HYDIN: variants seen among roughly 807,000 people sequenced by gnomAD.
HYDIN encodes the protein HYDIN axonemal central pair apparatus protein.
In HYDIN, 132 loss-of-function variants were observed where a neutral mutation model predicts 403.9. That is an observed-to-expected ratio of 0.33 (90% CI 0.28 to 0.38). The LOEUF (loss-of-function observed/expected upper bound fraction) is 0.38, where lower values mean the gene tolerates loss of function less well. HYDIN is among the 10% of genes least tolerant of loss of function. The pLI is 1.00. For synonymous variants in HYDIN, 1,202 were observed against 1,891.7 expected, an observed-to-expected ratio of 0.64 and a Z score of 9.46; for missense variants, 2,827 against 5,009.5, an observed-to-expected ratio of 0.56 and a Z score of 13.15.
At chr16:71,185,472 T>C (rs895609967) in intron 2 of HYDIN, among the ~76,000 whole-genome samples, 3 of 152,196 alleles carry the variant, frequency 2.0e-5, no homozygotes, top group African/African-American at 7.2e-5. Context: ...AGAAATCTTA[T>C]AAAATTGCAA....
intron 21 of HYDIN, among the ~76,000 whole-genome samples, chr16:71,022,240 A>C (rs1310375244): frequency 1.3e-5 from 2 of 152,286 alleles, no homozygotes; most frequent in African/African-American, 4.8e-5. Context: ...TTTAGAGGCT[A>C]CTGATGAGAA....
At chr16:71,062,526 A>C in intron 16 of HYDIN, 193 bp from the exon 17 acceptor site, 3 of 538,850 alleles carry the variant, frequency 5.6e-6, no homozygotes, top group South Asian at 5.4e-5. Flanking sequence ...CGTGAGGCCC[A>C]AAATTCAAAG....
At chr16:71,106,309 GC>G (rs1271374739) in intron 10 of HYDIN, among the ~76,000 whole-genome samples, 1 of 152,106 alleles carries the variant, frequency 6.6e-6, no homozygotes, top group Non-Finnish European at 1.5e-5. Context: ...TGACTTGCAT[GC>G]CCAGCCTTTG....
chr16:70,978,869 C>T, intron 30 of HYDIN, 45 bp downstream of exon 30: 1 of 1,534,144 alleles, frequency 6.5e-7, no homozygotes, highest in Non-Finnish European at 8.9e-7. Context: ...TCTGCACGCA[C>T]CACCCTCCTG....
intron 11 of HYDIN, among the ~76,000 whole-genome samples, chr16:71,092,767 G>C (rs1334111617): frequency 7.4e-6 from 1 of 135,634 alleles, no homozygotes; most frequent in Non-Finnish European, 1.5e-5. Flanking sequence ...TTTTAGTAGT[G>C]ATTGAATTTC....
chr16:70,998,110 T>C (rs2144064285), intron 23 of HYDIN, among the ~76,000 whole-genome samples: 1 of 152,292 alleles, frequency 6.6e-6, no homozygotes, highest in South Asian at 2.1e-4. Context: ...ACACATATTT[T>C]CTGTTTAGAC....
Position 70,859,162 on chromosome 16 carries a change from G to A in HYDIN, c.12129+906C>T, listed in dbSNP as rs187843486. Among the ~76,000 whole-genome samples the A allele has an allele frequency of 5.3e-4, 81 of 152,088 alleles. No homozygotes were observed. The South Asian group carries it at 8.9e-3, about 17-fold the overall frequency. ...TAAAAATACAAAAAATTAGCTGGGCGTGGTGGCGGGCGCTTGTAGTCCGAG... is the reference window on the plus strand; with the variant it reads ...TAAAAATACAAAAAATTAGCTGGGCATGGTGGCGGGCGCTTGTAGTCCGAG... On this transcript the variant is annotated intron_variant, in intron 71 of 85. Transcript: ENST00000393567.
chr16:70,932,144 C>T (rs1421654126), intron 45 of HYDIN, among the ~76,000 whole-genome samples: 5 of 146,318 alleles, frequency 3.4e-5, no homozygotes, highest in African/African-American at 1.2e-4. Context: ...CACCTGAGGT[C>T]AGGAGTTCGA....
chr16:70,813,160 C>T (rs925912256), intron 84 of HYDIN, among the ~76,000 whole-genome samples: 6 of 152,164 alleles, frequency 3.9e-5, no homozygotes, highest in Admixed American at 6.5e-5. Context: ...ACTATGTTGG[C>T]CAGACTGGTC....
At chr16:70,840,818 T>C (rs1249519638) in intron 75 of HYDIN, among the ~76,000 whole-genome samples, 2 of 151,586 alleles carry the variant, frequency 1.3e-5, no homozygotes, top group East Asian at 3.9e-4. Context: ...ACAAGGCTAA[T>C]ATGCCAAGGA....
At position 70,884,034 on chromosome 16, in the gene HYDIN, C is replaced by A. The variant is rs769866305; in HGVS notation, c.9865G>T (p.Ala3289Ser). ...TCCTCACACTTTCCCATGGCGTCAG[C>A]CACACAGTCAACGTTGATGACCTGC... ...GQQVINVDCV[A>S]DAMGKCEEFI... The change falls in exon 59 of 86, where the codon GCT (alanine) becomes TCT (serine). Residue 3289 changes from alanine (A) to serine (S), a missense_variant. Transcript: ENST00000393567. 1.2e-5 allele frequency: 20 copies of A among 1,614,126 alleles called. No homozygotes were observed. Among genetic ancestry groups the A allele is most frequent in the Admixed American group, 1.7e-5 (1 of 60,018 alleles).
At chr16:70,898,375 T>C (rs2076268183) in intron 53 of HYDIN, among the ~76,000 whole-genome samples, 1 of 151,554 alleles carries the variant, frequency 6.6e-6, no homozygotes, top group Admixed American at 6.6e-5. Flanking sequence ...CAGCCAGGGG[T>C]CTGGGTACCT....
intron 41 of HYDIN, among the ~76,000 whole-genome samples, chr16:70,951,415 C>T (rs1463771766): frequency 6.6e-6 from 1 of 152,158 alleles, no homozygotes; most frequent in Non-Finnish European, 1.5e-5. Context: ...GGAAGCAGTG[C>T]TCTGCCACTC....
At chr16:70,865,141 A>G (rs1244275586) in intron 67 of HYDIN, 9 of 295,612 alleles carry the variant, frequency 3.0e-5, no homozygotes, top group African/African-American at 4.4e-5. Context: ...TATGTGTTGC[A>G]CATGTTGCTC....
chr16:70,956,258 CAAAAA>C (rs4028339), intron 39 of HYDIN, among the ~76,000 whole-genome samples: 1 of 133,636 alleles, frequency 7.5e-6, no homozygotes, highest in Non-Finnish European at 1.6e-5. Context: ...ACTTTCATTA[CAAAAA>C]AAAAAAAAAG....
intron 11 of HYDIN, among the ~76,000 whole-genome samples, chr16:71,089,172 T>C (rs943388146): frequency 4.6e-5 from 7 of 151,256 alleles, no homozygotes; most frequent in Non-Finnish European, 1.0e-4. Context: ...TCTGGAAGCA[T>C]GTTATTGCCC....
At chr16:70,831,605 T>C (rs1267180782) in intron 80 of HYDIN, among the ~76,000 whole-genome samples, 1 of 91,186 alleles carries the variant, frequency 1.1e-5, no homozygotes, top group Non-Finnish European at 2.2e-5. Context: ...CAGGAGAGAG[T>C]GGTGTGCTGG....
At chr16:70,819,060 G>A (rs1015228504) in intron 83 of HYDIN, among the ~76,000 whole-genome samples, 7 of 150,248 alleles carry the variant, frequency 4.7e-5, no homozygotes, top group Non-Finnish European at 4.4e-5. Flanking sequence ...GATTACAGGC[G>A]CCTGCCACCA....
chr16:70,916,013 GTC>G (rs1335973826), intron 47 of HYDIN, among the ~76,000 whole-genome samples: 3 of 152,236 alleles, frequency 2.0e-5, no homozygotes, highest in Non-Finnish European at 4.4e-5. Context: ...ACAGCATTGA[GTC>G]TGTTTCCAGG....
Sources: gnomAD v4.1 joint callset for allele counts (sites outside exome capture counted in the v4.1 genomes callset) on GRCh38, gnomAD v4.1.1 for gene constraint, MANE v1.5 for transcripts, NCBI Gene and HGNC (gene_info 2026-07-23, HGNC 2026-07-21) for gene names.